The following BDH1 variants were observed in gnomAD, a reference collection of about 807,000 sequenced individuals.
BDH1 encodes the protein 3-hydroxybutyrate dehydrogenase 1.
In BDH1, 30 loss-of-function variants were observed where a neutral mutation model predicts 33.1. That is an observed-to-expected ratio of 0.91 (90% CI 0.68 to 1.23). BDH1 has a LOEUF of 1.23. Among genes scored for constraint, BDH1 ranks in the 50% most tolerant of loss-of-function variants. BDH1 has a pLI of 0.00. For missense variants in BDH1, 443 were observed against 464.4 expected (o/e 0.95, Z 0.42); for synonymous variants, 190 against 183.6 (o/e 1.03, Z -0.28).
intron 3 of BDH1, among the ~76,000 whole-genome samples, chr3:197,537,522 C>T (rs1166145123): frequency 6.6e-6 from 1 of 152,118 alleles, no homozygotes; most frequent in Non-Finnish European, 1.5e-5. Flanking sequence ...CCATTTCTTA[C>T]CTTATTGCAC....
In BDH1 at chr3:197,510,718, T is replaced by TACAC. The variant is rs1553865801; in HGVS notation, c.*1176_*1177insGTGT. On this transcript the variant is annotated 3_prime_UTR_variant, in exon 8 of 8. Transcript: ENST00000392379. ...GTGTGTGTGTGTGTGTGTGTGTGTG[T>TACAC]ACATGTGTGTAAGCACCACGTGAGG... 17 of 118,140 alleles carry TACAC rather than the reference T, an allele frequency of 1.4e-4. No individual in the cohort carries two copies. Among genetic ancestry groups the TACAC allele is most frequent in the African/African-American group, 6.5e-4 (16 of 24,760 alleles). 7.3% of individuals were successfully genotyped at this position (118,140 alleles called of 1,614,324 possible). A position where few individuals can be genotyped will look rare whatever the true frequency, so the allele number is the denominator to read the frequency against.
intron 1 of BDH1, among the ~76,000 whole-genome samples, chr3:197,562,992 C>G (rs1267881831): frequency 6.6e-6 from 1 of 152,148 alleles, no homozygotes; most frequent in Non-Finnish European, 1.5e-5. Flanking sequence ...TTTAAGTCTG[C>G]TGTTATTTTT....
chr3:197,521,099 C>T lies in BDH1; in HGVS notation c.409+1541G>A, dbSNP rs529219639. Among the ~76,000 whole-genome samples the T allele has an allele frequency of 2.0e-5, 3 of 152,302 alleles. No individual in the cohort carries two copies. The South Asian group carries it at 6.2e-4, about 32-fold the overall frequency. ...GGGATCTGGTCACTCCTGCCTTTTC[C>T]GCCTCCTTCCCCAGCCACTGAAGTA... On this transcript the variant is annotated intron_variant, in intron 6 of 7. Transcript: ENST00000392379. The surrounding 1 kb of genome is among the most constrained non-coding windows in gnomAD (Gnocchi z 4.9).
chr3:197,553,106 C>T (rs886197220), intron 2 of BDH1, among the ~76,000 whole-genome samples: 6 of 151,948 alleles, frequency 3.9e-5, no homozygotes, highest in East Asian at 2.0e-4. Context: ...TTAGTAGAGA[C>T]GGAGTTTCAC....
At chr3:197,537,200 G>A (rs901944332) in intron 3 of BDH1, among the ~76,000 whole-genome samples, 2 of 152,066 alleles carry the variant, frequency 1.3e-5, no homozygotes, top group Non-Finnish European at 1.5e-5. Flanking sequence ...TGTTGCCCAG[G>A]CTGATCTTGA....
intron 5 of BDH1, among the ~76,000 whole-genome samples, chr3:197,524,543 G>A (rs867130834): frequency 2.6e-5 from 4 of 152,198 alleles, no homozygotes; most frequent in South Asian, 2.1e-4. Context: ...TAGTCACCCC[G>A]GAGAGAAGAC....
rs1363893667 is a variant in BDH1 at position 197,514,322 on chromosome 3, G to A, written c.504C>T (p.Asn168=). ...TCGTCATCCGCACTGTGCCCCAAAG[G>A]TTCACTTCTGCCACCTGCTTGTAGG... ...LETYKQVAEV[N]LWGTVRMTKS... is the part of the protein sequence containing the mutation. The change falls in exon 7 of 8, where the codon AAC becomes AAT. Residue 168 remains asparagine, a synonymous_variant. Transcript: ENST00000392379. The surrounding 1 kb of genome is among the most constrained non-coding windows in gnomAD (Gnocchi z 4.2). The A allele has an allele frequency of 1.2e-6, 2 of 1,613,788 alleles. No homozygotes were observed. Among genetic ancestry groups the A allele is most frequent in the Non-Finnish European group, 1.7e-6 (2 of 1,179,922 alleles).
At chr3:197,570,238 C>T (rs1264558431) in intron 1 of BDH1, among the ~76,000 whole-genome samples, 1 of 152,172 alleles carries the variant, frequency 6.6e-6, no homozygotes, top group African/African-American at 2.4e-5. Flanking sequence ...CAAAGTGTGA[C>T]TTGGGTGCTG....
chr3:197,539,304 T>A (rs1715407826), intron 3 of BDH1, among the ~76,000 whole-genome samples: 1 of 152,128 alleles, frequency 6.6e-6, no homozygotes, highest in Admixed American at 6.6e-5. Context: ...CACGCCTGGC[T>A]AAGTTTTGTA....
At chr3:197,548,255 G>T (rs1027546514) in intron 2 of BDH1, among the ~76,000 whole-genome samples, 1 of 151,524 alleles carries the variant, frequency 6.6e-6, no homozygotes, top group Non-Finnish European at 1.5e-5. Context: ...ACAGGCCCAC[G>T]TTGGCTCAGA....
intron 3 of BDH1, chr3:197,546,156 T>G: frequency 1.9e-6 from 1 of 515,168 alleles, no homozygotes; most frequent in Non-Finnish European, 3.5e-6. Context: ...AAATAAGTGG[T>G]TATGAAAGAT....
upstream of BDH1, among the ~76,000 whole-genome samples, chr3:197,556,742 A>C (rs2108770441): frequency 6.6e-6 from 1 of 152,360 alleles, no homozygotes; most frequent in South Asian, 2.1e-4. Context: ...CCAGAGTTTT[A>C]ATAATAGAAC....
chr3:197,509,923 A>G lies in BDH1; in HGVS notation c.*1972T>C, dbSNP rs1363836269. The G allele has an allele frequency of 1.3e-5, 2 of 152,190 alleles. No individual in the cohort carries two copies. The highest frequency in any genetic ancestry group is 4.8e-5 in the African/African-American group (2 of 41,434). The allele number at this position is 152,190 out of a possible 1,614,324, so 9.4% of individuals were successfully genotyped here. A position where few individuals can be genotyped will look rare whatever the true frequency, so the allele number is the denominator to read the frequency against. ...GGTTATGTAACTGCAGCGGCCACCA[A>G]GCGTCCCCCTCTGGGCTCTGGAGGG... On this transcript the variant is annotated 3_prime_UTR_variant, in exon 8 of 8. Coordinates refer to ENST00000392379, the MANE Select transcript of BDH1 (RefSeq NM_203314.3).
intron 1 of BDH1, among the ~76,000 whole-genome samples, chr3:197,566,663 G>A (rs1469755975): frequency 4.6e-5 from 7 of 152,160 alleles, no homozygotes; most frequent in Non-Finnish European, 8.8e-5. Context: ...TAGTACAAAC[G>A]GGAAACTGAA....
chr3:197,546,578 C>A, intron 2 of BDH1, 92 bp from the exon 3 acceptor site: 1 of 821,986 alleles, frequency 1.2e-6, no homozygotes, highest in Non-Finnish European at 2.0e-6. Flanking sequence ...GAAAGTCAAA[C>A]TGGGCTGCAT....
At chr3:197,535,577 T>C (rs1323525192) in intron 3 of BDH1, among the ~76,000 whole-genome samples, 1 of 152,216 alleles carries the variant, frequency 6.6e-6, no homozygotes. Flanking sequence ...ATGCCCAATG[T>C]AGTTAGTGAT....
At chr3:197,552,358 A>G (rs555949457) in intron 2 of BDH1, among the ~76,000 whole-genome samples, 4 of 152,284 alleles carry the variant, frequency 2.6e-5, no homozygotes, top group African/African-American at 9.6e-5. Flanking sequence ...TAGTTCCTCC[A>G]GATTCTGGTC....
In BDH1 at chr3:197,546,474, C is replaced by T; in HGVS notation, c.-31G>A. 6.2e-7 allele frequency: 1 copy of T among 1,607,240 alleles called. No individual in the cohort carries two copies. The highest frequency in any genetic ancestry group is 8.5e-7 in the Non-Finnish European group (1 of 1,174,256). On this transcript the variant is annotated 5_prime_UTR_variant, in exon 3 of 8. Transcript: ENST00000392379. ...CAACGGGTGTTAGAATGGCCCAGTT[C>T]CTCCCGGTGGTTCTGAAACATAAAT...
chr3:197,565,026 G>T (rs1006288780), intron 1 of BDH1, among the ~76,000 whole-genome samples: 1 of 152,142 alleles, frequency 6.6e-6, no homozygotes, highest in Non-Finnish European at 1.5e-5. Flanking sequence ...AGGTTCAAGC[G>T]ATTCTCCTGC....
Sources: gnomAD v4.1 joint callset for allele counts (sites outside exome capture counted in the v4.1 genomes callset) on GRCh38, gnomAD v4.1.1 for gene constraint, Gnocchi (gnomAD v3.1) non-coding constraint, MANE v1.5 for transcripts, NCBI Gene and HGNC (gene_info 2026-07-23, HGNC 2026-07-21) for gene names.